Variants in HS3ST4 observed in about 807,000 individuals in gnomAD.
The protein encoded by HS3ST4 is heparan sulfate glucosamine 3-O-sulfotransferase 4.
Under a neutral mutation model 29.2 loss-of-function variants are expected in HS3ST4, and 17 were observed. That is an observed-to-expected ratio of 0.58 (90% CI 0.40 to 0.87). The LOEUF (loss-of-function observed/expected upper bound fraction) is 0.87, where lower values mean the gene tolerates loss of function less well. HS3ST4 is among the 40% of genes least tolerant of loss of function. The pLI, the probability that HS3ST4 is intolerant of heterozygous loss-of-function variation, is 0.00. For missense variants in HS3ST4, 627 were observed against 634.5 expected, an observed-to-expected ratio of 0.99 and a Z score of 0.13; for synonymous variants, 314 against 285.7, an observed-to-expected ratio of 1.10 and a Z score of -1.00.
chr16:26,014,982 A>G (rs1596645094), intron 1 of HS3ST4, among the ~76,000 whole-genome samples: 1 of 152,350 alleles, frequency 6.6e-6, no homozygotes, highest in South Asian at 2.1e-4. Context: ...GACCTTTTGC[A>G]TAAGGAGCTG....
At chr16:25,935,913 C>CTT (rs142594021) in intron 1 of HS3ST4, among the ~76,000 whole-genome samples, 1 of 151,644 alleles carries the variant, frequency 6.6e-6, no homozygotes, top group South Asian at 2.1e-4. Context: ...AGATACTAGA[C>CTT]TTTTTTTTAA....
chr16:25,758,572 C>A (rs960216024), intron 1 of HS3ST4, among the ~76,000 whole-genome samples: 1 of 152,142 alleles, frequency 6.6e-6, no homozygotes, highest in Non-Finnish European at 1.5e-5. Context: ...ATTGACTGAT[C>A]CCCATCCTCT....
At chr16:25,859,590 G>T (rs531434633) in intron 1 of HS3ST4, among the ~76,000 whole-genome samples, 1 of 152,128 alleles carries the variant, frequency 6.6e-6, no homozygotes. Context: ...ATGGCTGCCC[G>T]TAGTATTTTG....
intron 1 of HS3ST4, among the ~76,000 whole-genome samples, chr16:26,090,294 C>G (rs28528830): frequency 0.035 from 5,143 of 145,474 alleles, 281 homozygotes; most frequent in African/African-American, 0.11. Flanking sequence ...TGGCAGATCA[C>G]GTGAAATCTC....
At chr16:26,072,722 T>C (rs534443967) in intron 1 of HS3ST4, among the ~76,000 whole-genome samples, 1 of 152,364 alleles carries the variant, frequency 6.6e-6, no homozygotes, top group East Asian at 1.9e-4. Flanking sequence ...GTGTATTTTA[T>C]GATAAGATCC....
chr16:25,866,604 A>G (rs940054304), intron 1 of HS3ST4, among the ~76,000 whole-genome samples: 13 of 152,194 alleles, frequency 8.5e-5, no homozygotes, highest in African/African-American at 2.9e-4. Flanking sequence ...GAGTTGAACA[A>G]TGAGAACACA....
chr16:26,036,543 C>T (rs1482266033), intron 1 of HS3ST4, among the ~76,000 whole-genome samples: 4 of 152,146 alleles, frequency 2.6e-5, no homozygotes, highest in African/African-American at 9.7e-5. Flanking sequence ...TCTTGAAGTT[C>T]AACTTTACCT....
intron 1 of HS3ST4, among the ~76,000 whole-genome samples, chr16:26,128,613 A>C (rs1899377011): frequency 6.6e-6 from 1 of 152,196 alleles, no homozygotes; most frequent in African/African-American, 2.4e-5. Context: ...TTCAGAATTC[A>C]TGAATTTTGG....
At chr16:25,863,327 C>T (rs9924880) in intron 1 of HS3ST4, among the ~76,000 whole-genome samples, 27,485 of 151,944 alleles carry the variant, frequency 0.18, 2,756 homozygotes, top group African/African-American at 0.27. Context: ...CTGATCTGCC[C>T]GCTTCAGCCT....
chr16:25,791,204 T>C (rs1966868528), intron 1 of HS3ST4, among the ~76,000 whole-genome samples: 1 of 152,154 alleles, frequency 6.6e-6, no homozygotes, highest in Non-Finnish European at 1.5e-5. Context: ...TATTATATGT[T>C]TGTGGGGCTA....
intron 1 of HS3ST4, among the ~76,000 whole-genome samples, chr16:26,092,335 A>G (rs1898867643): frequency 6.6e-6 from 1 of 152,164 alleles, no homozygotes; most frequent in Admixed American, 6.5e-5. Flanking sequence ...GACCAAAGAG[A>G]AACATGAGGA....
chr16:25,801,301 G>C (rs1253525018), intron 1 of HS3ST4, among the ~76,000 whole-genome samples: 2 of 152,002 alleles, frequency 1.3e-5, no homozygotes, highest in Non-Finnish European at 2.9e-5. Flanking sequence ...CCATTGTGTT[G>C]GTGTACCCTA....
chr16:25,773,841 CT>C (rs1966845086), intron 1 of HS3ST4, among the ~76,000 whole-genome samples: 1 of 152,286 alleles, frequency 6.6e-6, no homozygotes, highest in African/African-American at 2.4e-5. Flanking sequence ...TTATACTACT[CT>C]GTATGCCCCT....
chr16:26,128,031 C>T (rs1043596592), intron 1 of HS3ST4, among the ~76,000 whole-genome samples: 2 of 152,150 alleles, frequency 1.3e-5, no homozygotes, highest in Non-Finnish European at 2.9e-5. Flanking sequence ...CTTTATTCCT[C>T]CTTATTTTAC....
chr16:26,021,950 T>C (rs531400991), intron 1 of HS3ST4, among the ~76,000 whole-genome samples: 1 of 151,910 alleles, frequency 6.6e-6, no homozygotes, highest in African/African-American at 2.4e-5. Context: ...GTGTGAGCCA[T>C]CACACCCAGC....
intron 1 of HS3ST4, among the ~76,000 whole-genome samples, chr16:25,795,169 C>T (rs1420383551): frequency 6.6e-6 from 1 of 151,990 alleles, no homozygotes; most frequent in East Asian, 1.9e-4. Flanking sequence ...GACGAAGTTT[C>T]ACTATGTTGG....
At chr16:25,896,564 T>A (rs1968067471) in intron 1 of HS3ST4, among the ~76,000 whole-genome samples, 1 of 152,140 alleles carries the variant, frequency 6.6e-6, no homozygotes, top group Admixed American at 6.5e-5. Context: ...TGTTAAGTAT[T>A]TCAGCCACTG....
chr16:25,977,901 C>T (rs1480759728), intron 1 of HS3ST4, among the ~76,000 whole-genome samples: 1 of 152,080 alleles, frequency 6.6e-6, no homozygotes, highest in Non-Finnish European at 1.5e-5. Context: ...GAGCCCTCAG[C>T]TGGAGATCTT....
At chr16:25,950,100 C>T (rs948493870) in intron 1 of HS3ST4, among the ~76,000 whole-genome samples, 5 of 152,094 alleles carry the variant, frequency 3.3e-5, no homozygotes, top group African/African-American at 7.2e-5. Flanking sequence ...TATTCCCTGA[C>T]CTAAATTTTG....
Sources: allele counts gnomAD v4.1 joint callset (sites outside exome capture counted in the v4.1 genomes callset), GRCh38; gene constraint gnomAD v4.1.1; transcripts MANE v1.5; gene names NCBI Gene and HGNC (gene_info 2026-07-23, HGNC 2026-07-21).